The following ZNF888 variants were observed in gnomAD, a reference collection of about 807,000 sequenced individuals.
ZNF888 encodes zinc finger protein 888, also known as CTD-2331H12.6.
Under a neutral mutation model 7.2 loss-of-function variants are expected in ZNF888, and 5 were observed. That is an observed-to-expected ratio of 0.70 (90% CI 0.36 to 1.46). The LOEUF is 1.46. Ranked by LOEUF, ZNF888 falls within the 40% of genes most tolerant of loss-of-function variation. The pLI is 0.03. For missense variants in ZNF888, 716 were observed against 858.0 expected, an observed-to-expected ratio of 0.83 and a Z score of 2.07; for synonymous variants, 240 against 284.3, an observed-to-expected ratio of 0.84 and a Z score of 1.57.
chr19:52,907,973 C>G lies in ZNF888; in HGVS notation c.349G>C (p.Glu117Gln), dbSNP rs942023946. 6.2e-7 allele frequency: 1 copy of G among 1,613,998 alleles called. No individual in the cohort carries two copies. The highest frequency in any genetic ancestry group is 1.3e-5 in the African/African-American group (1 of 74,916). Reference protein sequence around the residue: ...GHEAPMTEIKELTGSTDQYDQ... With the variant: ...GHEAPMTEIKQLTGSTDQYDQ... ...TATTGGTCTGTACTACCCGTCAACTCTTTGATTTCTGTCATGGGTGCTTCA... is the reference window on the plus strand; with the variant it reads ...TATTGGTCTGTACTACCCGTCAACTGTTTGATTTCTGTCATGGGTGCTTCA... Residue 117 changes from glutamate (E) to glutamine (Q), a missense_variant, in exon 5 of 5, where the codon GAG becomes CAG. By Grantham distance (29) the Glu-to-Gln change is conservative. This residue lies in a region of ZNF888 where 697 missense variants were observed against 803.4 expected (regional missense o/e 0.87). Coordinates refer to ENST00000638862, the MANE Select transcript of ZNF888 (RefSeq NM_001393938.1).
At position 52,907,229 on chromosome 19, in the gene ZNF888, G is replaced by A. The variant is rs148337631; in HGVS notation, c.1093C>T (p.Arg365Cys). The A allele has an allele frequency of 0.029, 46,221 of 1,612,166 alleles. 890 individuals are homozygous for A. Among genetic ancestry groups the A allele is most frequent in the Middle Eastern group, 0.045 (273 of 6,046 alleles). Residue 365 changes from arginine to cysteine, a missense_variant, in exon 5 of 5, where the codon CGC becomes TGC. Arg to Cys is a radical substitution (Grantham distance 180). Coordinates refer to ENST00000638862, the MANE Select transcript of ZNF888 (RefSeq NM_001393938.1). ...CTATGTCTTTCAAGGTATGATTTGC[G>A]ACTGAAAACTTTGTCACATTCTTTA... Reference protein sequence around the residue: ...QCKECDKVFSRKSYLERHRRI... With the variant: ...QCKECDKVFSCKSYLERHRRI...
At chr19:52,911,862 G>A (rs2064684226) in intron 4 of ZNF888, among the ~76,000 whole-genome samples, 1 of 151,730 alleles carries the variant, frequency 6.6e-6, no homozygotes, top group Admixed American at 6.6e-5. Context: ...TGTCGCCCAG[G>A]CTGGAGTACA....
chr19:52,911,143 T>A (rs570809416), intron 4 of ZNF888, among the ~76,000 whole-genome samples: 1 of 152,100 alleles, frequency 6.6e-6, no homozygotes, highest in East Asian at 2.0e-4. Context: ...CCTCCCAAAG[T>A]GCTGGAATTA....
rs776519964 is a variant in ZNF888, at chr19:52,915,243, AG to A, written c.94del (p.Leu32TyrfsTer5). 1 of 1,611,894 alleles carries A rather than the reference AG, an allele frequency of 6.2e-7. No homozygotes were observed. Among genetic ancestry groups the A allele is most frequent in the Non-Finnish European group, 8.5e-7 (1 of 1,179,786 alleles). On this transcript the variant is annotated frameshift_variant, in exon 4 of 5. Coordinates refer to ENST00000638862, the MANE Select transcript of ZNF888 (RefSeq NM_001393938.1). LOFTEE classifies it low-confidence loss of function (END_TRUNC). ...WKCLDPAQRTLYRDVMLENYR... is the reference protein window; with the variant it reads ...WKCLDPAQRTXYRDVMLENYR... ...ATTCTCCAGCATCACGTCTCTGTATAGAGTCCTCTGAGCAGGGTCCAGGCAT... is the reference window on the plus strand; with the variant it reads ...ATTCTCCAGCATCACGTCTCTGTATAAGTCCTCTGAGCAGGGTCCAGGCAT...
chr19:52,908,421 T>C (rs997976511), intron 4 of ZNF888, among the ~76,000 whole-genome samples: 1 of 152,096 alleles, frequency 6.6e-6, no homozygotes. Context: ...GGCACAAACA[T>C]GTGTAAGCCT....
intron 1 of ZNF888, among the ~76,000 whole-genome samples, chr19:52,921,474 G>C (rs916073384): frequency 6.6e-5 from 10 of 152,172 alleles, no homozygotes; most frequent in African/African-American, 2.4e-4. Context: ...TTCTTACATG[G>C]GGGCCTGGAA....
intron 1 of ZNF888, chr19:52,921,696 G>T (rs914591874): frequency 3.1e-6 from 3 of 978,186 alleles, no homozygotes; most frequent in South Asian, 9.5e-5. Flanking sequence ...GGGAGGCCGA[G>T]GTAGGTGGAT....
At chr19:52,911,383 G>T (rs1326540182) in intron 4 of ZNF888, among the ~76,000 whole-genome samples, 1 of 150,092 alleles carries the variant, frequency 6.7e-6, no homozygotes, top group Non-Finnish European at 1.5e-5. Context: ...CTGTCGCCCA[G>T]GCTGGAGTGC....
intron 4 of ZNF888, among the ~76,000 whole-genome samples, chr19:52,912,645 G>A (rs185556859): frequency 2.6e-5 from 4 of 151,168 alleles, no homozygotes; most frequent in Admixed American, 6.6e-5. Flanking sequence ...CAGGAGAATC[G>A]CTTGAACCTG....
intron 3 of ZNF888, among the ~76,000 whole-genome samples, chr19:52,916,166 G>T (rs139414395): frequency 1.3e-5 from 2 of 151,996 alleles, no homozygotes; most frequent in Admixed American, 1.3e-4. Context: ...AAAATCAGCC[G>T]GGCATGGTGG....
At chr19:52,912,453 C>T (rs975014895) in intron 4 of ZNF888, among the ~76,000 whole-genome samples, 13 of 149,546 alleles carry the variant, frequency 8.7e-5, no homozygotes, top group Non-Finnish European at 1.6e-4. Flanking sequence ...AGGCCGGGCA[C>T]GGTGTCTCAT....
chr19:52,913,507 T>C (rs1207211834), intron 4 of ZNF888, among the ~76,000 whole-genome samples: 4 of 152,032 alleles, frequency 2.6e-5, no homozygotes, highest in Non-Finnish European at 5.9e-5. Flanking sequence ...GTAATTATAC[T>C]ACAGATGAAG....
intron 1 of ZNF888, among the ~76,000 whole-genome samples, chr19:52,922,705 A>T (rs2064835848): frequency 6.6e-6 from 1 of 151,894 alleles, no homozygotes; most frequent in South Asian, 2.1e-4. Context: ...CTGTCTCCTG[A>T]TCCCTTTGGC....
At chr19:52,915,956 T>A (rs1158717513) in intron 3 of ZNF888, among the ~76,000 whole-genome samples, 2 of 152,290 alleles carry the variant, frequency 1.3e-5, no homozygotes, top group African/African-American at 4.8e-5. Context: ...AGACAGAGCA[T>A]GAGTGATGTC....
intron 4 of ZNF888, among the ~76,000 whole-genome samples, chr19:52,914,573 G>A (rs182739150): frequency 1.3e-5 from 2 of 152,338 alleles, no homozygotes; most frequent in African/African-American, 4.8e-5. Context: ...GTAATATGTA[G>A]TATGTGGACA....
In ZNF888 at chr19:52,917,915, C is replaced by T; in HGVS notation, c.-42G>A. On this transcript the variant is annotated 5_prime_UTR_variant, in exon 3 of 5. Coordinates refer to ENST00000638862, the MANE Select transcript of ZNF888 (RefSeq NM_001393938.1). ...TTCCTCTTCCTCTTCTGAGTTTCTTCTTCACATACCCAGAGTCTTTAGAAG... is the reference window on the plus strand; with the variant it reads ...TTCCTCTTCCTCTTCTGAGTTTCTTTTTCACATACCCAGAGTCTTTAGAAG... 1 of 1,610,230 alleles carries T rather than the reference C, an allele frequency of 6.2e-7. No individual in the cohort carries two copies. Among genetic ancestry groups the T allele is most frequent in the East Asian group, 2.2e-5 (1 of 44,882 alleles).
At chr19:52,912,193 A>G (rs1288615453) in intron 4 of ZNF888, among the ~76,000 whole-genome samples, 1 of 148,096 alleles carries the variant, frequency 6.8e-6, no homozygotes, top group Non-Finnish European at 1.5e-5. Context: ...GGCTCACTGC[A>G]AGCTCCGCCT....
chr19:52,917,025 C>T (rs1386637914), intron 3 of ZNF888, among the ~76,000 whole-genome samples: 1 of 152,018 alleles, frequency 6.6e-6, no homozygotes, highest in Non-Finnish European at 1.5e-5. Context: ...TCATTTTTAC[C>T]AAAAGCCTGT....
chr19:52,910,198 G>A (rs1347551812), intron 4 of ZNF888, among the ~76,000 whole-genome samples: 3 of 149,000 alleles, frequency 2.0e-5, no homozygotes, highest in Admixed American at 6.7e-5. Context: ...ACACCAGGGC[G>A]CGGTGGTGCA....
Sources: allele counts gnomAD v4.1 joint callset (sites outside exome capture counted in the v4.1 genomes callset), GRCh38; gene constraint gnomAD v4.1.1; regional missense constraint gnomAD v4.1.1; transcripts MANE v1.5; gene names NCBI Gene and HGNC (gene_info 2026-07-23, HGNC 2026-07-21).